Variants in ZDHHC20 observed in about 807,000 individuals in gnomAD.
The protein encoded by ZDHHC20 is zDHHC palmitoyltransferase 20, also known as palmitoyltransferase ZDHHC20.
A neutral mutation model predicts 57.8 loss-of-function variants in ZDHHC20; 43 were observed. The observed-to-expected ratio is 0.74, with a 90% CI of 0.58 to 0.96. The LOEUF is 0.96. Ranked by LOEUF, ZDHHC20 falls within the 40% of genes least tolerant of loss-of-function variation. The pLI, the probability that ZDHHC20 is intolerant of heterozygous loss-of-function variation, is 0.00. For missense variants in ZDHHC20, 391 were observed against 441.1 expected (o/e 0.89, Z 1.02); for synonymous variants, 157 against 153.0 (o/e 1.03, Z -0.19).
chr13:21,413,028 A>G (rs9580107), intron 4 of ZDHHC20, among the ~76,000 whole-genome samples: 3,675 of 151,766 alleles, frequency 0.024, 142 homozygotes, highest in African/African-American at 0.084. Flanking sequence ...TCTTTTAAAT[A>G]AACAAAATAA....
chr13:21,387,647 C>T lies in ZDHHC20; in HGVS notation c.728-13G>A. On this transcript the variant is annotated splice_polypyrimidine_tract_variant and intron_variant, in intron 8 of 12. Coordinates refer to ENST00000400590, the MANE Select transcript of ZDHHC20 (RefSeq NM_001330059.2). ...GCGCGGAATGATTCTGTTAAATATACATACATATATAAACTAATTAATCTA... is the reference window on the plus strand; with the variant it reads ...GCGCGGAATGATTCTGTTAAATATATATACATATATAAACTAATTAATCTA... The T allele has an allele frequency of 1.4e-6, 2 of 1,411,398 alleles. No homozygotes were observed. Among genetic ancestry groups the T allele is most frequent in the South Asian group, 1.7e-5 (1 of 57,638 alleles). 87.4% of individuals were successfully genotyped at this position (1,411,398 alleles called of 1,614,324 possible).
chr13:21,417,592 A>G (rs1469281728), intron 3 of ZDHHC20, among the ~76,000 whole-genome samples: 1 of 152,104 alleles, frequency 6.6e-6, no homozygotes, highest in Non-Finnish European at 1.5e-5. Context: ...GGAGCATGCC[A>G]CCACACCCGG....
Position 21,402,656 on chromosome 13 carries a change from G to C in ZDHHC20, c.440+141C>G, listed in dbSNP as rs149407561. The C allele has an allele frequency of 2.1e-3, 1,365 of 657,768 alleles. 14 individuals are homozygous for C. The African/African-American group carries it at 0.021, about 10-fold the overall frequency. The allele number at this position is 657,768 out of a possible 1,614,324, so 40.7% of individuals were successfully genotyped here. ...CCAGCTTTTATCAATATTTTTGTCT[G>C]CCCTGTATGCACAGCAAATAATGGG... is the stretch of plus-strand genomic sequence containing the variant. On this transcript the variant is annotated intron_variant, in intron 5 of 12. Transcript: ENST00000400590.
chr13:21,449,207 T>C (rs1376989475), intron 1 of ZDHHC20, among the ~76,000 whole-genome samples: 1 of 150,384 alleles, frequency 6.6e-6, no homozygotes, highest in Non-Finnish European at 1.5e-5. Context: ...CACCCAAGAA[T>C]TATCAATAAA....
intron 1 of ZDHHC20, among the ~76,000 whole-genome samples, chr13:21,443,856 T>C (rs111800422): frequency 0.014 from 2,131 of 152,334 alleles, 58 homozygotes; most frequent in African/African-American, 0.049. Flanking sequence ...CATCATCTTA[T>C]GATTAGTCTG....
At chr13:21,395,406 T>C (rs1876604751) in intron 7 of ZDHHC20, among the ~76,000 whole-genome samples, 1 of 151,616 alleles carries the variant, frequency 6.6e-6, no homozygotes, top group East Asian at 1.9e-4. Context: ...CCTTCGGTAG[T>C]TGCATAATTT....
intron 11 of ZDHHC20, among the ~76,000 whole-genome samples, chr13:21,379,825 C>CTTTTT (rs56681468): frequency 2.2e-5 from 3 of 137,752 alleles, no homozygotes; most frequent in Non-Finnish European, 4.6e-5. Flanking sequence ...TTTCTTTTTT[C>CTTTTT]TTTTTTTTTG....
chr13:21,388,182 G>A (rs565591315), intron 8 of ZDHHC20, among the ~76,000 whole-genome samples: 1 of 152,130 alleles, frequency 6.6e-6, no homozygotes, highest in East Asian at 1.9e-4. Context: ...GGAAAGGTGA[G>A]CAAGCTGAGG....
rs184418524 is a variant in ZDHHC20 at position 21,373,249 on chromosome 13, T to C, written c.*3447A>G. On this transcript the variant is annotated 3_prime_UTR_variant, in exon 13 of 13. Transcript: ENST00000400590. The stretch of plus-strand genomic sequence containing the variant: ...TACTGCCTATTCAATGCCCAGAATA[T>C]GTAGATCCTAAATCTAAGCCCTTAA... 1.5e-3 allele frequency: 226 copies of C among 152,342 alleles called. 1 individual carries two copies. The highest frequency in any genetic ancestry group is 5.2e-3 in the African/African-American group (215 of 41,588). 9.4% of individuals were successfully genotyped at this position (152,342 alleles called of 1,614,324 possible).
intron 2 of ZDHHC20, among the ~76,000 whole-genome samples, chr13:21,423,873 C>T (rs1183267372): frequency 2.6e-5 from 4 of 151,718 alleles, no homozygotes. Context: ...TTGCCTAGAC[C>T]CCATATTAAA....
chr13:21,451,219 G>C (rs547630682), intron 1 of ZDHHC20, among the ~76,000 whole-genome samples: 2 of 152,274 alleles, frequency 1.3e-5, no homozygotes, highest in Admixed American at 6.5e-5. Flanking sequence ...GGACCAATAA[G>C]CCATTTCACG....
rs1411638560 is a variant in ZDHHC20 at position 21,440,337 on chromosome 13, C to A, written c.119-14659G>T. Among the ~76,000 whole-genome samples the A allele has an allele frequency of 5.3e-5, 8 of 152,040 alleles. No homozygotes were observed. The South Asian group carries it at 1.7e-3, about 32-fold the overall frequency. On this transcript the variant is annotated intron_variant, in intron 1 of 12. Coordinates refer to ENST00000400590, the MANE Select transcript of ZDHHC20 (RefSeq NM_001330059.2). ...TTAAAAATTTAAGATACGGCAGGTG[C>A]AGTGGCTCAACACCTGTAATCCCAG... is the stretch of plus-strand genomic sequence containing the variant.
At chr13:21,388,535 T>C (rs1415635749) in intron 8 of ZDHHC20, among the ~76,000 whole-genome samples, 1 of 152,086 alleles carries the variant, frequency 6.6e-6, no homozygotes, top group Admixed American at 6.6e-5. Context: ...TATAAAGATG[T>C]GAAGATGAGA....
rs1437072457 is a variant in ZDHHC20 at position 21,448,618 on chromosome 13, C to G, written c.118+10436G>C. Among the ~76,000 whole-genome samples the G allele has an allele frequency of 6.2e-5, 6 of 96,294 alleles. 1 individual carries two copies. Among genetic ancestry groups the G allele is most frequent in the Admixed American group, 4.9e-4 (5 of 10,244 alleles). 63.2% of individuals were successfully genotyped at this position (96,294 alleles called of 152,430 possible). A position where few individuals can be genotyped will look rare whatever the true frequency, so the allele number is the denominator to read the frequency against. On this transcript the variant is annotated intron_variant, in intron 1 of 12. Transcript: ENST00000400590. ...TGGGGGGGTCAGCCCCCTGCCCGGC[C>G]GGCCGCCCCGTCCGGGAGGTGAGGG...
intron 2 of ZDHHC20, 58 bp from the exon 3 acceptor site, chr13:21,421,222 T>A (rs1880614022): frequency 7.1e-7 from 1 of 1,405,524 alleles, no homozygotes; most frequent in African/African-American, 1.4e-5. Context: ...GCAAAAAGCA[T>A]TACATTAAAA....
intron 3 of ZDHHC20, among the ~76,000 whole-genome samples, chr13:21,414,527 A>ATTTTT (rs747307477): frequency 0.06 from 6,386 of 107,278 alleles, 401 homozygotes; most frequent in African/African-American, 0.12. Flanking sequence ...TGCCCGGATA[A>ATTTTT]TTTTTTTTTT....
At chr13:21,387,208 T>G (rs1283713514) in intron 9 of ZDHHC20, among the ~76,000 whole-genome samples, 1 of 152,194 alleles carries the variant, frequency 6.6e-6, no homozygotes, top group Non-Finnish European at 1.5e-5. Context: ...TAACTATAAA[T>G]TTTTATAATT....
chr13:21,392,089 T>A (rs540765953), intron 7 of ZDHHC20, among the ~76,000 whole-genome samples: 7 of 152,218 alleles, frequency 4.6e-5, no homozygotes, highest in African/African-American at 1.4e-4. Flanking sequence ...AAATTTTTTT[T>A]AATTTTAGCT....
At chr13:21,397,498 C>T (rs1398703889) in intron 7 of ZDHHC20, among the ~76,000 whole-genome samples, 1 of 151,894 alleles carries the variant, frequency 6.6e-6, no homozygotes, top group Non-Finnish European at 1.5e-5. Context: ...CCTGTCTCTA[C>T]AAACAATACA....
Sources: allele counts gnomAD v4.1 joint callset (sites outside exome capture counted in the v4.1 genomes callset), GRCh38; gene constraint gnomAD v4.1.1; transcripts MANE v1.5; gene names NCBI Gene and HGNC (gene_info 2026-07-23, HGNC 2026-07-21).